RPS6KA3: variants seen among roughly 807,000 people sequenced by gnomAD.
RPS6KA3 encodes ribosomal protein S6 kinase A3, also known as ribosomal protein S6 kinase alpha-3.
A neutral mutation model predicts 67.2 loss-of-function variants in RPS6KA3; 4 were observed. The observed-to-expected ratio is 0.06, with a 90% CI of 0.03 to 0.14. The LOEUF is 0.14. Among genes scored for constraint, RPS6KA3 ranks in the 10% least tolerant of loss-of-function variants. The probability of loss-of-function intolerance (pLI) is 1.00; values close to 1 mark genes in which losing one functional copy is unlikely to be tolerated. For missense variants in RPS6KA3, 204 were observed against 559.0 expected, an observed-to-expected ratio of 0.36 and a Z score of 6.40; for synonymous variants, 182 against 183.7, an observed-to-expected ratio of 0.99 and a Z score of 0.07.
At chrX:20,263,206 T>C (rs1396541165) in intron 1 of RPS6KA3, among the ~76,000 whole-genome samples, 2 of 111,884 alleles carry the variant, frequency 1.8e-5, no homozygotes, top group Non-Finnish European at 3.8e-5. Flanking sequence ...TTTACTATCA[T>C]TTATACCTAC....
rs770626885 is a variant in RPS6KA3 at position 20,194,169 on chromosome X, A to T, written c.486+20T>A. On this transcript the variant is annotated intron_variant, in intron 6 of 21. Coordinates refer to ENST00000379565, the MANE Select transcript of RPS6KA3 (RefSeq NM_004586.3). ...ACAGGATGCATGTAAATAGACTAAA[A>T]ATAGAGATTAATTATATACCTCTTT... is the stretch of plus-strand genomic sequence containing the variant. The T allele has an allele frequency of 9.8e-7, 1 of 1,021,933 alleles. No homozygotes were observed. The highest frequency in any genetic ancestry group is 1.4e-6 in the Non-Finnish European group (1 of 724,222). The allele number at this position is 1,021,933 out of a possible 1,213,427, so 84.2% of individuals were successfully genotyped here. A position where few individuals can be genotyped will look rare whatever the true frequency, so the allele number is the denominator to read the frequency against.
chrX:20,231,397 T>A (rs977096505), intron 2 of RPS6KA3, among the ~76,000 whole-genome samples: 1 of 112,149 alleles, frequency 8.9e-6, no homozygotes, highest in Admixed American at 9.4e-5. Flanking sequence ...AAAATCCCAA[T>A]AAATTTTTCA....
At chrX:20,251,566 T>C (rs892353284) in intron 1 of RPS6KA3, among the ~76,000 whole-genome samples, 1 of 113,128 alleles carries the variant, frequency 8.8e-6, no homozygotes, top group Non-Finnish European at 1.9e-5. Context: ...AGGTAACAGT[T>C]CATTTCTCTC....
At chrX:20,234,682 T>C (rs2069362278) in intron 2 of RPS6KA3, 76 bp downstream of exon 2, 1 of 730,715 alleles carries the variant, frequency 1.4e-6, no homozygotes, top group Non-Finnish European at 2.2e-6. Flanking sequence ...ATGATTACTC[T>C]GCTCAGCTGA....
chrX:20,168,141 A>G (rs2067486691), intron 16 of RPS6KA3, among the ~76,000 whole-genome samples: 1 of 112,211 alleles, frequency 8.9e-6, no homozygotes, highest in Non-Finnish European at 1.9e-5. Flanking sequence ...TAGCAAGAGA[A>G]GACTTAACAC....
At chrX:20,169,717 G>T in intron 15 of RPS6KA3, 1 of 424,757 alleles carries the variant, frequency 2.4e-6, no homozygotes, top group Non-Finnish European at 4.2e-6. Flanking sequence ...TTCCCACCAT[G>T]CCTCTCCAAT....
intron 7 of RPS6KA3, among the ~76,000 whole-genome samples, chrX:20,188,808 C>T (rs1373528548): frequency 8.8e-6 from 1 of 113,024 alleles, no homozygotes; most frequent in African/African-American, 3.2e-5. Context: ...CTCTTCCCAG[C>T]TGCTCTTTCT....
At chrX:20,173,183 C>T (rs1175671351) in intron 14 of RPS6KA3, among the ~76,000 whole-genome samples, 1 of 111,211 alleles carries the variant, frequency 9.0e-6, no homozygotes, top group African/African-American at 3.3e-5. Context: ...ATTCCAGTCC[C>T]CAGTCGGCTA....
At chrX:20,214,226 ATCTTGG>A (rs201546403) in intron 2 of RPS6KA3, among the ~76,000 whole-genome samples, 1,738 of 111,579 alleles carry the variant, frequency 0.016, 36 homozygotes, top group African/African-American at 0.054. Flanking sequence ...CACAGCTATC[ATCTTGG>A]GATAGGTCTT....
At chrX:20,213,319 T>G (rs2068765960) in intron 2 of RPS6KA3, among the ~76,000 whole-genome samples, 1 of 112,391 alleles carries the variant, frequency 8.9e-6, no homozygotes, top group African/African-American at 3.2e-5. Flanking sequence ...CTTTGATAAT[T>G]TCTTAATTTA....
intron 1 of RPS6KA3, among the ~76,000 whole-genome samples, chrX:20,245,616 C>T (rs1213448060): frequency 2.7e-5 from 3 of 111,618 alleles, no homozygotes; most frequent in Non-Finnish European, 5.6e-5. Context: ...AATCCTATTC[C>T]TGCTTCTCCA....
Position 20,200,457 on chromosome X carries a change from T to C in RPS6KA3, c.325+3565A>G, listed in dbSNP as rs182779011. 5.5e-4 allele frequency among the ~76,000 whole-genome samples: 62 copies of C among 111,836 alleles called. No individual in the cohort carries two copies. In the East Asian group the frequency reaches 0.012, roughly 22 times the overall value. Reference sequence around the variant, plus strand: ...GATATTCTTTTGATAAACATAAAAATTTAAGAACACATTCACAATTATTCA... The same window carrying C: ...GATATTCTTTTGATAAACATAAAAACTTAAGAACACATTCACAATTATTCA... On this transcript the variant is annotated intron_variant, in intron 4 of 21. Coordinates refer to ENST00000379565, the MANE Select transcript of RPS6KA3 (RefSeq NM_004586.3).
chrX:20,202,163 A>G (rs2068458361), intron 4 of RPS6KA3, among the ~76,000 whole-genome samples: 1 of 108,116 alleles, frequency 9.2e-6, no homozygotes, highest in Non-Finnish European at 1.9e-5. Context: ...TTGTATTTTT[A>G]GTAGAGACGG....
At chrX:20,168,716 G>A (rs1342824879) in intron 16 of RPS6KA3, among the ~76,000 whole-genome samples, 2 of 112,087 alleles carry the variant, frequency 1.8e-5, no homozygotes, top group Non-Finnish European at 3.8e-5. Flanking sequence ...AATATCGTAA[G>A]TACTTTTCTT....
chrX:20,262,466 G>C (rs950280186), intron 1 of RPS6KA3, among the ~76,000 whole-genome samples: 3 of 111,913 alleles, frequency 2.7e-5, no homozygotes, highest in African/African-American at 3.2e-5. Context: ...GACAAAGTCT[G>C]CCTATATTTG....
At chrX:20,155,768 A>G (rs1450027707) in intron 21 of RPS6KA3, among the ~76,000 whole-genome samples, 1 of 111,706 alleles carries the variant, frequency 9.0e-6, no homozygotes, top group Non-Finnish European at 1.9e-5. Context: ...TCTCAGGACT[A>G]TTCAACATTT....
chrX:20,249,980 T>C (rs1024782072), intron 1 of RPS6KA3, among the ~76,000 whole-genome samples: 2 of 112,133 alleles, frequency 1.8e-5, no homozygotes, highest in Admixed American at 9.4e-5. Context: ...AGGTGTGCAA[T>C]AGCTCCAGAC....
intron 17 of RPS6KA3, among the ~76,000 whole-genome samples, chrX:20,167,114 C>T (rs1320739824): frequency 8.9e-6 from 1 of 111,891 alleles, no homozygotes; most frequent in Admixed American, 9.6e-5. Flanking sequence ...CATAAGCTAC[C>T]GTGCCCAGCC....
intron 20 of RPS6KA3, among the ~76,000 whole-genome samples, chrX:20,160,328 A>G (rs1347703940): frequency 8.9e-6 from 1 of 112,502 alleles, no homozygotes; most frequent in Non-Finnish European, 1.9e-5. Flanking sequence ...TAGGCACTCA[A>G]TAAGGGAACT....
Sources: gnomAD v4.1 joint callset for allele counts (sites outside exome capture counted in the v4.1 genomes callset) on GRCh38, gnomAD v4.1.1 for gene constraint, MANE v1.5 for transcripts, NCBI Gene and HGNC (gene_info 2026-07-23, HGNC 2026-07-21) for gene names.